GRIK3: variants seen among roughly 807,000 people sequenced by gnomAD.
GRIK3 encodes glutamate receptor ionotropic, kainate 3.
In GRIK3, 29 loss-of-function variants were observed where a neutral mutation model predicts 102.5. The observed-to-expected ratio is 0.28, with a 90% CI of 0.21 to 0.39. GRIK3 has a LOEUF of 0.39. GRIK3 is among the 10% of genes least tolerant of loss of function. The pLI is 1.00. For missense variants in GRIK3, 908 were observed against 1,252.4 expected (o/e 0.73, Z 4.15); for synonymous variants, 511 against 504.9 (o/e 1.01, Z -0.16).
Position 37,034,111 on chromosome 1 carries a change from T to C in GRIK3, c.-3A>G. 6.5e-7 allele frequency: 1 copy of C among 1,531,894 alleles called. No homozygotes were observed. Among genetic ancestry groups the C allele is most frequent in the Admixed American group, 1.8e-5 (1 of 55,518 alleles). The allele number at this position is 1,531,894 out of a possible 1,614,324, so 94.9% of individuals were successfully genotyped here. On this transcript the variant is annotated 5_prime_UTR_variant, in exon 1 of 16. Transcript: ENST00000373091. ...AGGCGCCGCCAGGGAGCGGTCATCG[T>C]TGGGCGCCGCCGAGCGTGCCCGGGG...
intron 8 of GRIK3, among the ~76,000 whole-genome samples, chr1:36,851,044 G>A (rs1640578998): frequency 6.6e-6 from 1 of 152,114 alleles, no homozygotes; most frequent in African/African-American, 2.4e-5. Context: ...TAAAGCCCTG[G>A]GCCTCTTGAA....
At chr1:36,860,102 G>A (rs1309711992) in intron 5 of GRIK3, 85 bp from the exon 6 acceptor site, 3 of 1,081,602 alleles carry the variant, frequency 2.8e-6, no homozygotes, top group African/African-American at 1.6e-5. Context: ...CCTAATCAGG[G>A]CCGCCCCAGG....
At chr1:36,873,624 C>A (rs960143888) in intron 3 of GRIK3, among the ~76,000 whole-genome samples, 2 of 152,096 alleles carry the variant, frequency 1.3e-5, no homozygotes, top group African/African-American at 2.4e-5. Flanking sequence ...ACAGTTCACA[C>A]AGCATGTCCC....
intron 1 of GRIK3, among the ~76,000 whole-genome samples, chr1:37,024,089 G>A (rs1456798120): frequency 6.6e-6 from 1 of 152,120 alleles, no homozygotes; most frequent in African/African-American, 2.4e-5. Context: ...TCAACAGACT[G>A]AATGGCTGCT....
intron 12 of GRIK3, among the ~76,000 whole-genome samples, chr1:36,818,690 G>A (rs968614694): frequency 1.3e-4 from 20 of 152,220 alleles, no homozygotes; most frequent in Non-Finnish European, 5.9e-5. Flanking sequence ...GGGTGCCCAG[G>A]ACACATTGGG....
At position 36,872,192 on chromosome 1, in the gene GRIK3, T is replaced by A. The variant is rs758923450; in HGVS notation, c.728A>T (p.Lys243Met). Residue 243 changes from lysine to methionine, a missense_variant, in exon 4 of 16, where the codon AAG (lysine) becomes ATG (methionine). By Grantham distance (95) the Lys-to-Met change is moderately conservative. This residue lies in a region of GRIK3 where 585 missense variants were observed against 824.9 expected (regional missense o/e 0.71). Transcript: ENST00000373091. The surrounding 1 kb of genome is among the most constrained non-coding windows in gnomAD (Gnocchi z 5.9). ...CGGTGGCCAGCACTCACGCACCTGC[T>A]TGAGGATCTGGGCCGCCATAGTGTG... Reference protein sequence around the residue: ...CSHTMAAQILKQAMAMGMMTE... With the variant: ...CSHTMAAQILMQAMAMGMMTE... 6.3e-7 allele frequency: 1 copy of A among 1,591,276 alleles called. No individual in the cohort carries two copies. The highest frequency in any genetic ancestry group is 1.1e-5 in the South Asian group (1 of 87,564).
chr1:36,951,215 C>A (rs1248250287), intron 1 of GRIK3, among the ~76,000 whole-genome samples: 1 of 152,188 alleles, frequency 6.6e-6, no homozygotes, highest in Non-Finnish European at 1.5e-5. Context: ...GACATGTGAG[C>A]AGAGACTGAG....
intron 1 of GRIK3, among the ~76,000 whole-genome samples, chr1:37,004,979 T>G (rs959006595): frequency 2.0e-5 from 3 of 152,258 alleles, no homozygotes; most frequent in Non-Finnish European, 4.4e-5. Flanking sequence ...CTGGGTGTGA[T>G]GCAGGGTTCC....
intron 2 of GRIK3, among the ~76,000 whole-genome samples, chr1:36,890,646 C>T (rs185638725): frequency 1.2e-4 from 19 of 152,262 alleles, no homozygotes; most frequent in Admixed American, 9.2e-4. Flanking sequence ...GTACTTCCTA[C>T]GTGCCAGCGC....
At chr1:36,908,135 G>A (rs900081433) in intron 1 of GRIK3, among the ~76,000 whole-genome samples, 2 of 152,116 alleles carry the variant, frequency 1.3e-5, no homozygotes, top group African/African-American at 2.4e-5. Flanking sequence ...GCCCAACTCC[G>A]TCCTCTTCCC....
At chr1:36,841,434 C>A (rs1640447842) in intron 10 of GRIK3, among the ~76,000 whole-genome samples, 1 of 152,214 alleles carries the variant, frequency 6.6e-6, no homozygotes, top group Non-Finnish European at 1.5e-5. Context: ...AAGCCACAGG[C>A]CTCCTCCAGA....
In GRIK3 at chr1:36,797,648, G is replaced by C. The variant is rs1441681902; in HGVS notation, c.*4203C>G. ...ATGCAGCTGTTTGTCCAAACCTCTA[G>C]CCCCTTTGCAGATGGGTATCCACAC... On this transcript the variant is annotated 3_prime_UTR_variant, in exon 16 of 16. Coordinates refer to ENST00000373091, the MANE Select transcript of GRIK3 (RefSeq NM_000831.4). 1 of 152,204 alleles carries C rather than the reference G, an allele frequency of 6.6e-6. No individual in the cohort carries two copies. The highest frequency in any genetic ancestry group is 2.4e-5 in the African/African-American group (1 of 41,428). 9.4% of individuals were successfully genotyped at this position (152,204 alleles called of 1,614,324 possible). A position where few individuals can be genotyped will look rare whatever the true frequency, so the allele number is the denominator to read the frequency against.
intron 1 of GRIK3, among the ~76,000 whole-genome samples, chr1:37,011,183 T>C (rs976477691): frequency 2.6e-5 from 4 of 152,170 alleles, no homozygotes; most frequent in Admixed American, 2.0e-4. Context: ...AAATCTCTGC[T>C]CTGAAATCCT....
intron 1 of GRIK3, among the ~76,000 whole-genome samples, chr1:36,982,066 G>A (rs569997213): frequency 1.8e-3 from 272 of 152,268 alleles, no homozygotes; most frequent in Non-Finnish European, 1.8e-3. Flanking sequence ...TACTCCCTCC[G>A]GCTCCTGAAT....
chr1:36,927,928 A>G (rs941151875), intron 1 of GRIK3, among the ~76,000 whole-genome samples: 5 of 152,062 alleles, frequency 3.3e-5, no homozygotes, highest in African/African-American at 1.2e-4. Context: ...GATTGTCTAG[A>G]ATTCCGCCTC....
At chr1:36,935,519 C>T (rs1557431305) in intron 1 of GRIK3, among the ~76,000 whole-genome samples, 1 of 152,052 alleles carries the variant, frequency 6.6e-6, no homozygotes, top group Non-Finnish European at 1.5e-5. Context: ...CTGGGGAAAG[C>T]AGCCTTCCCT....
intron 1 of GRIK3, among the ~76,000 whole-genome samples, chr1:37,010,727 CTTTT>C (rs60750637): frequency 8.5e-4 from 87 of 102,496 alleles, no homozygotes; most frequent in South Asian, 2.0e-3. Flanking sequence ...ACCTGTACCA[CTTTT>C]TTTTTTTTTT....
At chr1:36,899,911 A>G (rs1360609934) in intron 1 of GRIK3, among the ~76,000 whole-genome samples, 1 of 152,230 alleles carries the variant, frequency 6.6e-6, no homozygotes, top group Non-Finnish European at 1.5e-5. Flanking sequence ...GCATCAGAAT[A>G]CATGAGGCAA....
chr1:36,873,053 C>T (rs891739075), intron 3 of GRIK3, among the ~76,000 whole-genome samples: 1 of 152,186 alleles, frequency 6.6e-6, no homozygotes, highest in African/African-American at 2.4e-5. Context: ...TCCTCTTTTG[C>T]TCTGTCCAGA....
Sources: allele counts gnomAD v4.1 joint callset (sites outside exome capture counted in the v4.1 genomes callset), GRCh38; gene constraint gnomAD v4.1.1; regional missense constraint gnomAD v4.1.1; non-coding constraint Gnocchi (gnomAD v3.1); transcripts MANE v1.5; gene names NCBI Gene and HGNC (gene_info 2026-07-23, HGNC 2026-07-21).